MARK1: variants seen among roughly 807,000 people sequenced by gnomAD.
MARK1 encodes the protein serine/threonine-protein kinase MARK1.
A neutral mutation model predicts 96.3 loss-of-function variants in MARK1; 40 were observed. The ratio of observed to expected loss-of-function variants is 0.42; its 90% confidence interval spans 0.32 to 0.54. The LOEUF (loss-of-function observed/expected upper bound fraction) is 0.54. MARK1 is among the 20% of genes least tolerant of loss of function. The pLI is 0.16. For synonymous variants in MARK1, 317 were observed against 341.2 expected (o/e 0.93, Z 0.78); for missense variants, 719 against 984.6 (o/e 0.73, Z 3.61).
intron 6 of MARK1, among the ~76,000 whole-genome samples, chr1:220,615,115 T>A (rs1341515323): frequency 6.6e-6 from 1 of 152,182 alleles, no homozygotes; most frequent in East Asian, 1.9e-4. Flanking sequence ...TCTTAATTGA[T>A]TGCTATCAGA....
At chr1:220,610,567 C>T (rs1431252839) in intron 6 of MARK1, among the ~76,000 whole-genome samples, 2 of 152,164 alleles carry the variant, frequency 1.3e-5, no homozygotes, top group Non-Finnish European at 2.9e-5. Context: ...TTGTCAAAGT[C>T]GTTCTCCGTC....
chr1:220,626,327 C>T (rs914361537), intron 9 of MARK1: 15 of 545,152 alleles, frequency 2.8e-5, no homozygotes, highest in African/African-American at 2.7e-4. Flanking sequence ...ACTATGTCTT[C>T]TCCTAAGTAG....
At chr1:220,656,372 C>T (rs1669176232) in intron 16 of MARK1, among the ~76,000 whole-genome samples, 1 of 152,190 alleles carries the variant, frequency 6.6e-6, no homozygotes, top group Non-Finnish European at 1.5e-5. Flanking sequence ...AGGGACATTT[C>T]ACTCCTAATG....
intron 1 of MARK1, among the ~76,000 whole-genome samples, chr1:220,556,605 A>C (rs1189356036): frequency 6.6e-6 from 1 of 152,098 alleles, no homozygotes; most frequent in Non-Finnish European, 1.5e-5. Context: ...TAATGCGACT[A>C]TCTGAACAAT....
At chr1:220,530,573 C>G (rs1660252275) in intron 1 of MARK1, among the ~76,000 whole-genome samples, 1 of 152,086 alleles carries the variant, frequency 6.6e-6, no homozygotes, top group Non-Finnish European at 1.5e-5. Context: ...TATAGCTTTT[C>G]TCATACTTGT....
At chr1:220,578,250 C>G (rs1239644250) in intron 1 of MARK1, among the ~76,000 whole-genome samples, 1 of 152,166 alleles carries the variant, frequency 6.6e-6, no homozygotes, top group South Asian at 2.1e-4. Flanking sequence ...ACAAAAACTG[C>G]TAGAAATTTT....
chr1:220,547,775 C>T (rs1661601193), intron 1 of MARK1, among the ~76,000 whole-genome samples: 2 of 152,180 alleles, frequency 1.3e-5, no homozygotes. Context: ...ACCGTGTTGG[C>T]CAGGATGGTC....
intron 6 of MARK1, among the ~76,000 whole-genome samples, chr1:220,613,785 A>G (rs1207468395): frequency 6.6e-6 from 1 of 152,196 alleles, no homozygotes; most frequent in African/African-American, 2.4e-5. Flanking sequence ...TTGGGGAATC[A>G]TACTTCAAAT....
intron 1 of MARK1, among the ~76,000 whole-genome samples, chr1:220,531,419 A>C (rs1660307391): frequency 6.6e-6 from 1 of 152,190 alleles, no homozygotes; most frequent in East Asian, 1.9e-4. Flanking sequence ...TTAGAAATTA[A>C]AATCAACAAA....
chr1:220,590,199 G>T (rs1664895510), intron 3 of MARK1, among the ~76,000 whole-genome samples: 1 of 152,226 alleles, frequency 6.6e-6, no homozygotes, highest in Non-Finnish European at 1.5e-5. Flanking sequence ...GGGAGTCTTG[G>T]AGAGGAAGAG....
At chr1:220,622,174 G>T (rs1383858249) in intron 9 of MARK1, among the ~76,000 whole-genome samples, 1 of 151,992 alleles carries the variant, frequency 6.6e-6, no homozygotes, top group Admixed American at 6.6e-5. Flanking sequence ...CCATTTATTG[G>T]AATATTAGTA....
intron 11 of MARK1, among the ~76,000 whole-genome samples, chr1:220,634,886 T>A (rs1667861546): frequency 6.6e-6 from 1 of 152,224 alleles, no homozygotes. Flanking sequence ...TGTATGTTTA[T>A]ATGCATACAT....
intron 9 of MARK1, among the ~76,000 whole-genome samples, chr1:220,623,191 C>T (rs1379858062): frequency 6.6e-6 from 1 of 152,126 alleles, no homozygotes; most frequent in African/African-American, 2.4e-5. Flanking sequence ...ACCACCCAGA[C>T]TCGGGTTACA....
At chr1:220,545,370 A>T (rs1294023424) in intron 1 of MARK1, among the ~76,000 whole-genome samples, 1 of 150,778 alleles carries the variant, frequency 6.6e-6, no homozygotes, top group South Asian at 2.1e-4. Flanking sequence ...TCTGTATTAA[A>T]TATTTTCTGT....
chr1:220,620,989 A>AT (rs1361525866), intron 9 of MARK1, among the ~76,000 whole-genome samples: 3 of 152,028 alleles, frequency 2.0e-5, no homozygotes, highest in African/African-American at 7.2e-5. Flanking sequence ...CTTCACTTTT[A>AT]TTTTTCATAC....
intron 17 of MARK1, among the ~76,000 whole-genome samples, chr1:220,658,294 T>A (rs1161235326): frequency 2.0e-5 from 3 of 152,176 alleles, no homozygotes; most frequent in African/African-American, 7.2e-5. Flanking sequence ...CTTTTGGGGA[T>A]TTCTTTTTTT....
intron 3 of MARK1, among the ~76,000 whole-genome samples, chr1:220,593,481 G>A (rs1665127059): frequency 6.6e-6 from 1 of 152,060 alleles, no homozygotes; most frequent in African/African-American, 2.4e-5. Flanking sequence ...ATAGCTATAT[G>A]TGAATCTTGT....
chr1:220,556,485 C>T (rs1001423599), intron 1 of MARK1, among the ~76,000 whole-genome samples: 1 of 85,822 alleles, frequency 1.2e-5, no homozygotes, highest in Non-Finnish European at 2.1e-5. Flanking sequence ...GGGACTGTCA[C>T]AAAAAAAAAA....
intron 1 of MARK1, among the ~76,000 whole-genome samples, chr1:220,533,419 T>G (rs1348979616): frequency 6.6e-6 from 1 of 152,198 alleles, no homozygotes; most frequent in Non-Finnish European, 1.5e-5. Context: ...CACATGATTT[T>G]AAAGTTATTA....
Sources: allele counts gnomAD v4.1 joint callset (sites outside exome capture counted in the v4.1 genomes callset), GRCh38; gene constraint gnomAD v4.1.1; transcripts MANE v1.5; gene names NCBI Gene and HGNC (gene_info 2026-07-23, HGNC 2026-07-21).